RHCG: variants seen among roughly 807,000 people sequenced by gnomAD.
RHCG encodes Rh family C glycoprotein, also known as ammonium transporter Rh type C.
A neutral mutation model predicts 55.3 loss-of-function variants in RHCG; 39 were observed. The observed-to-expected ratio is 0.70, with a 90% CI of 0.55 to 0.92. The LOEUF (loss-of-function observed/expected upper bound fraction) is 0.92, where lower values mean the gene tolerates loss of function less well. RHCG is among the 40% of genes least tolerant of loss of function. RHCG has a pLI of 0.00. For synonymous variants in RHCG, 250 were observed against 246.8 expected (o/e 1.01, Z -0.12); for missense variants, 635 against 627.9 (o/e 1.01, Z -0.12).
chr15:89,486,975 G>T lies in RHCG; in HGVS notation c.195C>A (p.Asp65Glu). 6.3e-7 allele frequency: 1 copy of T among 1,595,244 alleles called. No homozygotes were observed. The highest frequency in any genetic ancestry group is 1.3e-5 in the African/African-American group (1 of 74,592). ...AGCCCACGAAGACCATCACGTGCAC[G>T]TCCTGGAAGCCTGCGGGGACAGTGC... is the stretch of plus-strand genomic sequence containing the variant. ...EFYYRYPSFQ[D>E]VHVMVFVGFG... is the part of the protein sequence containing the mutation. Residue 65 changes from aspartate to glutamate, a missense_variant, in exon 2 of 11, where the codon GAC (aspartate) becomes GAA (glutamate). Asp to Glu is a conservative substitution (Grantham distance 45, BLOSUM62 2). Transcript: ENST00000268122.
At chr15:89,482,122 A>G (rs1961279167) in intron 3 of RHCG, among the ~76,000 whole-genome samples, 1 of 152,006 alleles carries the variant, frequency 6.6e-6, no homozygotes, top group African/African-American at 2.4e-5. Flanking sequence ...TTTTTAGTAG[A>G]GACGGGGTTT....
chr15:89,483,843 A>G (rs1961311995), intron 2 of RHCG, among the ~76,000 whole-genome samples: 1 of 152,256 alleles, frequency 6.6e-6, no homozygotes, highest in South Asian at 2.1e-4. Flanking sequence ...GGGAGGATGG[A>G]GGCAAAGGGG....
At chr15:89,480,990 A>G (rs1038007115) in intron 3 of RHCG, among the ~76,000 whole-genome samples, 4 of 152,136 alleles carry the variant, frequency 2.6e-5, no homozygotes, top group Non-Finnish European at 5.9e-5. Flanking sequence ...TTCACTTTAG[A>G]TGGGGGAAAC....
intron 10 of RHCG, 48 bp downstream of exon 10, chr15:89,472,663 C>A: frequency 6.5e-7 from 1 of 1,549,324 alleles, no homozygotes; most frequent in Non-Finnish European, 8.8e-7. Context: ...AGCTGGGCCC[C>A]CACTGGGAGA....
Position 89,477,684 on chromosome 15 carries a change from C to T in RHCG, c.976-31G>A, listed in dbSNP as rs114788503. 3.9e-4 allele frequency: 623 copies of T among 1,612,586 alleles called. 3 individuals carry two copies. The African/African-American group carries it at 5.6e-3, about 14-fold the overall frequency. ...GACGGGAGGTGGGTGCTGCTCAGGC[C>T]GGGGGCTGCATCAAGGGTGTGGGGA... On this transcript the variant is annotated intron_variant, in intron 6 of 10. Transcript: ENST00000268122. The surrounding 1 kb of genome is among the most constrained non-coding windows in gnomAD (Gnocchi z 4.5).
At chr15:89,495,161 A>G (rs1483132161) in intron 1 of RHCG, among the ~76,000 whole-genome samples, 1 of 152,166 alleles carries the variant, frequency 6.6e-6, no homozygotes, top group Admixed American at 6.5e-5. Context: ...TCTAGGCACC[A>G]AGTAACTATT....
chr15:89,474,381 T>C (rs1326705545), intron 9 of RHCG, among the ~76,000 whole-genome samples: 1 of 152,252 alleles, frequency 6.6e-6, no homozygotes, highest in Non-Finnish European at 1.5e-5. Context: ...ACTTCTGGTA[T>C]GGTTTTAAAA....
At position 89,479,434 on chromosome 15, in the gene RHCG, TGGTAG is replaced by T; in HGVS notation, c.720_724del (p.Tyr241TrpfsTer56). 2.5e-6 allele frequency: 4 copies of T among 1,613,976 alleles called. No individual in the cohort carries two copies. Among genetic ancestry groups the T allele is most frequent in the Non-Finnish European group, 3.4e-6 (4 of 1,179,974 alleles). On this transcript the variant is annotated frameshift_variant, in exon 5 of 11. Coordinates refer to ENST00000268122, the MANE Select transcript of RHCG (RefSeq NM_016321.3). LOFTEE classifies it high-confidence loss of function. ...GGCGGCTCGGTGCTGGCTGTCCCCA[TGGTAG>T]GATATGGCTGAGTTGAAGCTGGGCC...
intron 1 of RHCG, among the ~76,000 whole-genome samples, chr15:89,488,679 C>T (rs746727409): frequency 2.1e-4 from 31 of 149,974 alleles, no homozygotes; most frequent in Non-Finnish European, 4.1e-4. Flanking sequence ...CATAAAAGAC[C>T]TTTGAAATGT....
intron 1 of RHCG, among the ~76,000 whole-genome samples, chr15:89,488,492 C>G (rs1961414536): frequency 6.6e-6 from 1 of 152,056 alleles, no homozygotes. Flanking sequence ...ACTGGGTGAT[C>G]AAAATTAATA....
chr15:89,479,122 C>A (rs984988975), intron 5 of RHCG, among the ~76,000 whole-genome samples, 200 bp downstream of exon 5: 28 of 140,222 alleles, frequency 2.0e-4, no homozygotes, highest in Admixed American at 6.5e-4. Context: ...CAAAACAAAA[C>A]AAAAAAAAAC....
intron 1 of RHCG, among the ~76,000 whole-genome samples, chr15:89,492,652 G>A (rs1363182088): frequency 6.6e-6 from 1 of 152,166 alleles, no homozygotes; most frequent in African/African-American, 2.4e-5. Flanking sequence ...AGCTCCTCTC[G>A]AACCTCCATT....
At chr15:89,474,870 CTGCCTTCCTTCCTGCCT>C (rs1961108312) in intron 9 of RHCG, among the ~76,000 whole-genome samples, 1 of 139,558 alleles carries the variant, frequency 7.2e-6, no homozygotes, top group African/African-American at 2.8e-5. Context: ...TCCTTCCTGC[CTGCCTTCCTTCCTGCCT>C]GCCTTCCTTC....
At chr15:89,474,710 CTG>C (rs1961099415) in intron 9 of RHCG, among the ~76,000 whole-genome samples, 1 of 152,148 alleles carries the variant, frequency 6.6e-6, no homozygotes, top group Non-Finnish European at 1.5e-5. Context: ...TGCCTGCCTG[CTG>C]CCTTCGTTCA....
rs1567223294 is a variant in RHCG at position 89,472,782 on chromosome 15, T to A, written c.1393A>T (p.Met465Leu). ...PSGPSVPSVPMVSPLPMASSV... is the reference protein window; with the variant it reads ...PSGPSVPSVPLVSPLPMASSV... ...GAAGCCATGGGTAGTGGGGACACCA[T>A]GGGTACTGAGGGTACTGAGGGTCCT... is the stretch of plus-strand genomic sequence containing the variant. Residue 465 changes from methionine (M) to leucine (L), a missense_variant, in exon 10 of 11, where the codon ATG (methionine) becomes TTG (leucine). Physicochemically the swap from Met to Leu is conservative, Grantham distance 15. Transcript: ENST00000268122. 1 of 1,578,044 alleles carries A rather than the reference T, an allele frequency of 6.3e-7. No homozygotes were observed. Among genetic ancestry groups the A allele is most frequent in the South Asian group, 1.2e-5 (1 of 86,324 alleles).
rs777528709 is a variant in RHCG, at chr15:89,477,511, A to G, written c.1112+6T>C. 2.5e-6 allele frequency: 4 copies of G among 1,613,852 alleles called. No homozygotes were observed. The highest frequency in any genetic ancestry group is 2.5e-6 in the Non-Finnish European group (3 of 1,179,986). Reference sequence around the variant, plus strand: ...CTCCATCCCACCGCACCTCCTCCACATTTACCCTTCTTTTCCATAGACTTC... The same window carrying G: ...CTCCATCCCACCGCACCTCCTCCACGTTTACCCTTCTTTTCCATAGACTTC... On this transcript the variant is annotated splice_donor_region_variant and intron_variant, in intron 7 of 10. Transcript: ENST00000268122. This position sits in a 1 kb window ranked among gnomAD's most constrained non-coding sequence, Gnocchi z 4.5.
At chr15:89,487,574 C>T (rs1961398484) in intron 1 of RHCG, among the ~76,000 whole-genome samples, 1 of 152,156 alleles carries the variant, frequency 6.6e-6, no homozygotes, top group Non-Finnish European at 1.5e-5. Context: ...TGATCACATC[C>T]CCATATCCCA....
In RHCG at chr15:89,477,774, AC is replaced by A; in HGVS notation, c.975+62del. 1 of 1,607,136 alleles carries A rather than the reference AC, an allele frequency of 6.2e-7. No homozygotes were observed. On this transcript the variant is annotated intron_variant, in intron 6 of 10. Transcript: ENST00000268122. The surrounding 1 kb of genome is among the most constrained non-coding windows in gnomAD (Gnocchi z 4.5). ...CCCCCTCCCTAGGAACCCTCAGCTC[AC>A]TGTCAGGAACACAAAGACCTCAGCA...
chr15:89,474,736 G>T (rs1356526237), intron 9 of RHCG, among the ~76,000 whole-genome samples: 30 of 146,916 alleles, frequency 2.0e-4, no homozygotes, highest in Non-Finnish European at 7.5e-5. Context: ...CTTCCTGCCT[G>T]CCTTCCTTCC....
Sources: gnomAD v4.1 joint callset for allele counts (sites outside exome capture counted in the v4.1 genomes callset) on GRCh38, gnomAD v4.1.1 for gene constraint, Gnocchi (gnomAD v3.1) non-coding constraint, MANE v1.5 for transcripts, NCBI Gene and HGNC (gene_info 2026-07-23, HGNC 2026-07-21) for gene names.